Variants in SDAD1 observed in about 807,000 individuals in gnomAD.
SDAD1 encodes the protein SDA1 domain containing 1.
Under a neutral mutation model 100.3 loss-of-function variants are expected in SDAD1, and 79 were observed. That is an observed-to-expected ratio of 0.79 (90% CI 0.66 to 0.95). The LOEUF (loss-of-function observed/expected upper bound fraction) is 0.95, where lower values mean the gene tolerates loss of function less well. SDAD1 is among the 40% of genes least tolerant of loss of function. The pLI is 0.00. For synonymous variants in SDAD1, 267 were observed against 271.4 expected (o/e 0.98, Z 0.16); for missense variants, 790 against 810.9 (o/e 0.97, Z 0.31).
intron 10 of SDAD1, among the ~76,000 whole-genome samples, chr4:75,970,003 T>A (rs550063796): frequency 1.9e-4 from 29 of 151,712 alleles, no homozygotes; most frequent in African/African-American, 3.6e-4. Flanking sequence ...TTTTTTTTTT[T>A]TAAAAAAGGA....
intron 1 of SDAD1, among the ~76,000 whole-genome samples, chr4:75,985,839 C>A (rs1199127822): frequency 6.6e-6 from 1 of 152,120 alleles, no homozygotes; most frequent in Non-Finnish European, 1.5e-5. Context: ...CAAACTCCAA[C>A]GATCCTTCAA....
intron 21 of SDAD1, 85 bp from the exon 22 acceptor site, chr4:75,950,882 G>C (rs1728596517): frequency 2.5e-6 from 2 of 803,286 alleles, no homozygotes; most frequent in Non-Finnish European, 4.1e-6. Flanking sequence ...TACTAAAAAG[G>C]AATCACCAAG....
intron 6 of SDAD1, 150 bp downstream of exon 6, chr4:75,975,594 G>A (rs1007531286): frequency 3.6e-6 from 2 of 557,288 alleles, no homozygotes; most frequent in Non-Finnish European, 6.3e-6. Context: ...TTAGTCATTT[G>A]AATTGCCTCT....
intron 3 of SDAD1, 152 bp from the exon 4 acceptor site, chr4:75,977,908 A>T: frequency 1.7e-6 from 1 of 593,986 alleles, no homozygotes; most frequent in Middle Eastern, 2.8e-4. Context: ...TGGAGCTTAC[A>T]CTGGGGATAG....
intron 3 of SDAD1, 144 bp from the exon 4 acceptor site, chr4:75,977,900 G>C: frequency 3.4e-6 from 2 of 596,112 alleles, no homozygotes; most frequent in South Asian, 4.3e-5. Context: ...TGCCTTCATG[G>C]AGCTTACACT....
rs1728564422 is a variant in SDAD1, at chr4:75,950,364, A to T, written c.*386T>A. On this transcript the variant is annotated 3_prime_UTR_variant, in exon 22 of 22. Coordinates refer to ENST00000356260, the MANE Select transcript of SDAD1 (RefSeq NM_018115.4). ...GTGACCTCACAGAAATATGGAGTTA[A>T]CCTCTACTACAGAACTATTTACACT... 1 of 165,644 alleles carries T rather than the reference A, an allele frequency of 6.0e-6. No individual in the cohort carries two copies. Among genetic ancestry groups the T allele is most frequent in the Non-Finnish European group, 1.3e-5 (1 of 75,966 alleles). 10.3% of individuals were successfully genotyped at this position (165,644 alleles called of 1,614,324 possible). A position where few individuals can be genotyped will look rare whatever the true frequency, so the allele number is the denominator to read the frequency against.
rs1216247681 is a variant in SDAD1, at chr4:75,964,172, C to T, written c.1144G>A (p.Val382Ile). The T allele has an allele frequency of 6.2e-7, 1 of 1,608,968 alleles. No homozygotes were observed. The highest frequency in any genetic ancestry group is 1.7e-5 in the Admixed American group (1 of 58,644). ...ACTTCTCCAGAGTTCTTGTCGGTAA[C>T]AAAATTGTTTGCCACAGTCATAAGC... ...SLLMTVANNF[V>I]TDKNSGEVMT... Residue 382 changes from valine to isoleucine, a missense_variant, in exon 14 of 22, where the codon GTT (valine) becomes ATT (isoleucine). Transcript: ENST00000356260.
intron 12 of SDAD1, among the ~76,000 whole-genome samples, chr4:75,966,470 C>T (rs1481965137): frequency 6.6e-6 from 1 of 152,044 alleles, no homozygotes; most frequent in Non-Finnish European, 1.5e-5. Context: ...GAGGATTAGA[C>T]AAAATGACGT....
chr4:75,951,553 T>C (rs962942832), intron 21 of SDAD1, among the ~76,000 whole-genome samples: 2 of 152,198 alleles, frequency 1.3e-5, no homozygotes, highest in Non-Finnish European at 2.9e-5. Context: ...GTGAATTGTA[T>C]ATCATAATGA....
intron 6 of SDAD1, among the ~76,000 whole-genome samples, chr4:75,975,239 T>A (rs941409232): frequency 2.6e-5 from 4 of 152,222 alleles, no homozygotes; most frequent in African/African-American, 9.6e-5. Flanking sequence ...AGTAAAAAAA[T>A]GTTAGTCAAT....
rs1244702935 is a variant in SDAD1, at chr4:75,950,814, T to G, written c.2017-17A>C. On this transcript the variant is annotated splice_polypyrimidine_tract_variant and intron_variant, in intron 21 of 21. Coordinates refer to ENST00000356260, the MANE Select transcript of SDAD1 (RefSeq NM_018115.4). Reference sequence around the variant, plus strand: ...TAGTGCCAACTGTAAGATAAAAAAGTATTGAAACATGATAACTCTTGGGTA... The same window carrying G: ...TAGTGCCAACTGTAAGATAAAAAAGGATTGAAACATGATAACTCTTGGGTA... 1.9e-6 allele frequency: 3 copies of G among 1,557,038 alleles called. No homozygotes were observed.
In SDAD1 at chr4:75,969,285, A is replaced by G. The variant is rs1454908205; in HGVS notation, c.987+11T>C. 1.9e-6 allele frequency: 3 copies of G among 1,590,412 alleles called. No homozygotes were observed. The South Asian group carries it at 3.3e-5, about 18-fold the overall frequency. On this transcript the variant is annotated intron_variant, in intron 11 of 21. Transcript: ENST00000356260. ...AAATATTCACCAAGAGAAACATAATATAATTCAAACCTCATGAATTCCCAC... is the reference window on the plus strand; with the variant it reads ...AAATATTCACCAAGAGAAACATAATGTAATTCAAACCTCATGAATTCCCAC...
chr4:75,968,905 G>A lies in SDAD1; in HGVS notation c.987+391C>T, dbSNP rs147503304. On this transcript the variant is annotated intron_variant, in intron 11 of 21. Coordinates refer to ENST00000356260, the MANE Select transcript of SDAD1 (RefSeq NM_018115.4). ...AAACTAGCCAGGTGTGGTGGCATGC[G>A]CCTGTGTCCCAGCTACTTGGGAGGC... Among the ~76,000 whole-genome samples the A allele has an allele frequency of 6.0e-3, 906 of 151,726 alleles. 21 individuals carry two copies. The highest frequency in any genetic ancestry group is 0.02 in the African/African-American group (845 of 41,330).
At chr4:75,981,527 T>C (rs1405472010) in intron 2 of SDAD1, 57 bp from the exon 3 acceptor site, 11 of 1,608,120 alleles carry the variant, frequency 6.8e-6, no homozygotes, top group Non-Finnish European at 9.3e-6. Flanking sequence ...ATAATTCAGA[T>C]GCATACATTT....
chr4:75,975,784 A>C lies in SDAD1; in HGVS notation c.538T>G (p.Ser180Ala). ...RDSNATAAKM[S>A]LDVMIELYRR... ...TAGAGTTCAATCATTACATCTAAAG[A>C]CATCTTGGCTGCGGTTGCATTGCTA... is the stretch of plus-strand genomic sequence containing the variant. Residue 180 changes from serine (S) to alanine (A), a missense_variant, in exon 6 of 22, where the codon TCT becomes GCT. Physicochemically the swap from Ser to Ala is moderately conservative, Grantham distance 99. Transcript: ENST00000356260. 1 of 1,613,990 alleles carries C rather than the reference A, an allele frequency of 6.2e-7. No homozygotes were observed. The highest frequency in any genetic ancestry group is 8.5e-7 in the Non-Finnish European group (1 of 1,179,896).
At chr4:75,959,360 T>C (rs867368042) in intron 17 of SDAD1, among the ~76,000 whole-genome samples, 3 of 152,082 alleles carry the variant, frequency 2.0e-5, no homozygotes, top group South Asian at 2.1e-4. Flanking sequence ...TCCCAGCACT[T>C]TGGGAGGCCA....
At chr4:75,973,020 T>TA (rs998506007) in intron 8 of SDAD1, among the ~76,000 whole-genome samples, 59 of 146,774 alleles carry the variant, frequency 4.0e-4, no homozygotes, top group East Asian at 1.4e-3. Flanking sequence ...GACTCCGTCT[T>TA]AAAAAAAAAA....
At chr4:75,957,202 G>C in intron 20 of SDAD1, 123 bp downstream of exon 20, 1 of 730,788 alleles carries the variant, frequency 1.4e-6, no homozygotes. Flanking sequence ...TAATTTCTGT[G>C]TTAATTATAC....
rs1049439502 is a variant in SDAD1, at chr4:75,970,452, G to A, written c.814-74C>T. 3.5e-6 allele frequency: 4 copies of A among 1,158,694 alleles called. No homozygotes were observed. The African/African-American group carries it at 6.1e-5, about 18-fold the overall frequency. 71.8% of individuals were successfully genotyped at this position (1,158,694 alleles called of 1,614,324 possible). On this transcript the variant is annotated intron_variant, in intron 9 of 21. Transcript: ENST00000356260. Reference sequence around the variant, plus strand: ...CTCTTAGAACTTAATGTGCTAATAAGGCTGTTATAAGTCCATTAGACTCTT... The same window carrying A: ...CTCTTAGAACTTAATGTGCTAATAAAGCTGTTATAAGTCCATTAGACTCTT...
Sources: gnomAD v4.1 joint callset for allele counts (sites outside exome capture counted in the v4.1 genomes callset) on GRCh38, gnomAD v4.1.1 for gene constraint, MANE v1.5 for transcripts, NCBI Gene and HGNC (gene_info 2026-07-23, HGNC 2026-07-21) for gene names.